ATM: variants seen among roughly 807,000 people sequenced by gnomAD.
ATM encodes serine-protein kinase ATM.
In ATM, 308 loss-of-function variants were observed where a neutral mutation model predicts 387.0. That is an observed-to-expected ratio of 0.80 (90% CI 0.73 to 0.87). ATM has a LOEUF of 0.87. ATM is among the 40% of genes least tolerant of loss of function. The pLI, the probability that ATM is intolerant of heterozygous loss-of-function variation, is 0.00. For missense variants in ATM, 3,312 were observed against 3,560.9 expected (o/e 0.93, Z 1.78); for synonymous variants, 1,156 against 1,187.3 (o/e 0.97, Z 0.54).
At chr11:108,291,059 C>T (rs1052480070) in intron 29 of ATM, among the ~76,000 whole-genome samples, 17 of 152,006 alleles carry the variant, frequency 1.1e-4, no homozygotes, top group African/African-American at 4.1e-4. Context: ...CACAGTGAAA[C>T]CCCGTGTCTA....
In ATM at chr11:108,301,723, G is replaced by T. The variant is rs1370155496; in HGVS notation, c.5253G>T (p.Glu1751Asp). The change falls in exon 35 of 63, where the codon GAG (glutamate) becomes GAT (aspartate). Residue 1751 changes from glutamate (E) to aspartate (D), a missense_variant. Physicochemically the swap from Glu to Asp is conservative, Grantham distance 45. Around this residue, in one of 4 missense-constraint regions of ATM, gnomAD observed 1,405 missense variants for 1,604.4 expected, o/e 0.88. Transcript: ENST00000675843. ...CAAAGACTGGACATAGTTTCTGGGAGATTTATAAGATGACAACAGATCCAA... is the reference window on the plus strand; with the variant it reads ...CAAAGACTGGACATAGTTTCTGGGATATTTATAAGATGACAACAGATCCAA... ...LATKTGHSFW[E>D]IYKMTTDPML... The T allele has an allele frequency of 3.7e-6, 6 of 1,613,712 alleles. No individual in the cohort carries two copies. Among genetic ancestry groups the T allele is most frequent in the Non-Finnish European group, 4.2e-6 (5 of 1,179,766 alleles).
intron 61 of ATM, among the ~76,000 whole-genome samples, chr11:108,357,398 A>T (rs1336325944): frequency 2.0e-5 from 3 of 152,258 alleles, no homozygotes; most frequent in African/African-American, 7.2e-5. Flanking sequence ...AGGCTTGATT[A>T]GGTAAACAAA....
chr11:108,336,141 TAAAA>T lies in ATM; in HGVS notation c.8268+192_8268+195del, dbSNP rs374306537. Reference sequence around the variant, plus strand: ...GTGAGACCCCATCTTGACAAAAAGTTAAAAAAAAAAAAAAAGCCAGAGATGATGG... The same window carrying T: ...GTGAGACCCCATCTTGACAAAAAGTTAAAAAAAAAAAGCCAGAGATGATGG... On this transcript the variant is annotated intron_variant, in intron 56 of 62. Coordinates refer to ENST00000675843, the MANE Select transcript of ATM (RefSeq NM_000051.4). 55 of 441,024 alleles carry T rather than the reference TAAAA, an allele frequency of 1.2e-4. No individual in the cohort carries two copies. The Admixed American group carries it at 1.5e-3, about 12-fold the overall frequency. The allele number at this position is 441,024 out of a possible 1,614,324, so 27.3% of individuals were successfully genotyped here. A position where few individuals can be genotyped will look rare whatever the true frequency, so the allele number is the denominator to read the frequency against.
intron 31 of ATM, among the ~76,000 whole-genome samples, chr11:108,293,837 C>A (rs965885160): frequency 2.8e-5 from 4 of 144,856 alleles, no homozygotes; most frequent in Non-Finnish European, 6.0e-5. Context: ...AAGATTGCTC[C>A]ACTGCATTCC....
chr11:108,289,505 G>GT, intron 28 of ATM, 97 bp from the exon 29 acceptor site: 1 of 879,570 alleles, frequency 1.1e-6, no homozygotes, highest in Non-Finnish European at 1.7e-6. Context: ...TATAAAATGT[G>GT]TAGGTATTCA....
chr11:108,264,555 C>A (rs2081105581), intron 16 of ATM, among the ~76,000 whole-genome samples: 1 of 151,102 alleles, frequency 6.6e-6, no homozygotes, highest in African/African-American at 2.4e-5. Context: ...GGAAGCATTC[C>A]CTTTGAAAAC....
At chr11:108,323,031 T>A (rs1388212728) in intron 45 of ATM, among the ~76,000 whole-genome samples, 1 of 152,132 alleles carries the variant, frequency 6.6e-6, no homozygotes, top group Non-Finnish European at 1.5e-5. Flanking sequence ...GCCCTGCTAT[T>A]TTGAATTACT....
chr11:108,236,053 G>GACCA, intron 5 of ATM: 4 of 571,710 alleles, frequency 7.0e-6, no homozygotes, highest in South Asian at 4.0e-5. Flanking sequence ...TGATATCAGA[G>GACCA]CCGGAATTAC....
chr11:108,275,883 G>A (rs945939458), intron 22 of ATM, among the ~76,000 whole-genome samples: 4 of 152,142 alleles, frequency 2.6e-5, no homozygotes, highest in Admixed American at 6.5e-5. Flanking sequence ...GGTGGTCTCT[G>A]TATTTCCTGA....
intron 16 of ATM, among the ~76,000 whole-genome samples, chr11:108,262,210 A>G (rs1052958488): frequency 2.6e-4 from 39 of 152,240 alleles, no homozygotes; most frequent in Admixed American, 5.2e-4. Context: ...AATGAAGGAA[A>G]ACATGTTAAG....
Position 108,270,939 on chromosome 11 carries a change from C to G in ATM, c.2839-125C>G, listed in dbSNP as rs548344500. 6.5e-6 allele frequency: 5 copies of G among 771,396 alleles called. No homozygotes were observed. The African/African-American group carries it at 6.9e-5, about 11-fold the overall frequency. The allele number at this position is 771,396 out of a possible 1,614,324, so 47.8% of individuals were successfully genotyped here. ...TCAAACTCCTGACCTTGTGATCTGCCTGCTTCAGCCTCCCAAAGTGCTGGG... is the reference window on the plus strand; with the variant it reads ...TCAAACTCCTGACCTTGTGATCTGCGTGCTTCAGCCTCCCAAAGTGCTGGG... On this transcript the variant is annotated intron_variant, in intron 18 of 62. Coordinates refer to ENST00000675843, the MANE Select transcript of ATM (RefSeq NM_000051.4).
chr11:108,294,407 A>G (rs902706562), intron 31 of ATM, among the ~76,000 whole-genome samples: 17 of 152,194 alleles, frequency 1.1e-4, no homozygotes, highest in African/African-American at 4.1e-4. Context: ...TGCTATAACA[A>G]TCTTGAAGTC....
In ATM at chr11:108,284,363, C is replaced by T. The variant is rs1388457632; in HGVS notation, c.3883C>T (p.Leu1295Phe). 2.5e-6 allele frequency: 4 copies of T among 1,613,988 alleles called. No homozygotes were observed. Among genetic ancestry groups the T allele is most frequent in the Non-Finnish European group, 3.4e-6 (4 of 1,179,942 alleles). Reference protein sequence around the residue: ...DCFPKILVNILPYFAYEGTRD... With the variant: ...DCFPKILVNIFPYFAYEGTRD... ...CTTTCCAAAGATTCTTGTAAATATT[C>T]TTCCTTATTTTGCCTATGAGGGTAC... Residue 1295 changes from leucine to phenylalanine, a missense_variant, in exon 26 of 63, where the codon CTT becomes TTT. By Grantham distance (22) the Leu-to-Phe change is conservative (BLOSUM62 0). Coordinates refer to ENST00000675843, the MANE Select transcript of ATM (RefSeq NM_000051.4).
At chr11:108,266,954 C>A (rs533411018) in intron 16 of ATM, among the ~76,000 whole-genome samples, 1 of 152,044 alleles carries the variant, frequency 6.6e-6, no homozygotes, top group African/African-American at 2.4e-5. Context: ...CACCACCACA[C>A]CCAGCTAATT....
chr11:108,250,069 C>T (rs1295349271), intron 9 of ATM, among the ~76,000 whole-genome samples: 3 of 151,360 alleles, frequency 2.0e-5, no homozygotes, highest in Non-Finnish European at 4.4e-5. Flanking sequence ...CTTTGTTTTC[C>T]TGTTTTAGAG....
intron 16 of ATM, 65 bp from the exon 17 acceptor site, chr11:108,267,106 A>T (rs2135503779): frequency 1.3e-6 from 2 of 1,542,184 alleles, no homozygotes; most frequent in Non-Finnish European, 1.8e-6. Context: ...TGATTAGGTA[A>T]ATTTTGACTA....
chr11:108,277,524 C>T (rs769719367), intron 22 of ATM, among the ~76,000 whole-genome samples: 11 of 152,170 alleles, frequency 7.2e-5, no homozygotes, highest in South Asian at 2.1e-4. Flanking sequence ...TCTTGGTCTG[C>T]GGGTTGCAAA....
At chr11:108,361,286 G>C (rs7124519) in intron 61 of ATM, among the ~76,000 whole-genome samples, 24 of 120,504 alleles carry the variant, frequency 2.0e-4, no homozygotes, top group African/African-American at 6.5e-4. Context: ...CACTGCTCAA[G>C]GAAATAAAAG....
intron 61 of ATM, among the ~76,000 whole-genome samples, chr11:108,360,010 TG>T (rs1366958082): frequency 6.6e-6 from 1 of 151,892 alleles, no homozygotes; most frequent in Non-Finnish European, 1.5e-5. Context: ...ATCCAGGAGC[TG>T]GTTTTTTGAA....
Sources: allele counts gnomAD v4.1 joint callset (sites outside exome capture counted in the v4.1 genomes callset), GRCh38; gene constraint gnomAD v4.1.1; regional missense constraint gnomAD v4.1.1; transcripts MANE v1.5; gene names NCBI Gene and HGNC (gene_info 2026-07-23, HGNC 2026-07-21).